Variants in SLC45A4 observed in about 807,000 individuals in gnomAD.
SLC45A4 encodes the protein solute carrier family 45 member 4.
Under a neutral mutation model 63.7 loss-of-function variants are expected in SLC45A4, and 32 were observed. That is an observed-to-expected ratio of 0.50 (90% CI 0.38 to 0.67). SLC45A4 has a LOEUF of 0.67. Among genes scored for constraint, SLC45A4 ranks in the 30% least tolerant of loss-of-function variants. SLC45A4 has a pLI of 0.00. For missense variants in SLC45A4, 1,027 were observed against 1,157.7 expected, an observed-to-expected ratio of 0.89 and a Z score of 1.64; for synonymous variants, 535 against 510.0, an observed-to-expected ratio of 1.05 and a Z score of -0.66.
intron 2 of SLC45A4, among the ~76,000 whole-genome samples, chr8:141,238,728 C>T (rs2154614446): frequency 6.6e-6 from 1 of 152,300 alleles, no homozygotes; most frequent in East Asian, 1.9e-4. Flanking sequence ...TCTGAGGAGC[C>T]CTTGAGTATA....
At chr8:141,241,051 G>A (rs917795189) in intron 2 of SLC45A4, among the ~76,000 whole-genome samples, 9 of 152,236 alleles carry the variant, frequency 5.9e-5, no homozygotes, top group Admixed American at 1.3e-4. Flanking sequence ...TATGGGCACC[G>A]GTTTGTGGGT....
intron 1 of SLC45A4, among the ~76,000 whole-genome samples, chr8:141,288,999 C>T (rs1830254764): frequency 6.6e-6 from 1 of 152,106 alleles, no homozygotes. Flanking sequence ...AAAAGAGGTC[C>T]AGGAAAGGAA....
intron 2 of SLC45A4, among the ~76,000 whole-genome samples, chr8:141,223,333 G>A (rs1033348230): frequency 1.3e-5 from 2 of 152,316 alleles, no homozygotes; most frequent in Middle Eastern, 3.4e-3. Context: ...TTACACGGCA[G>A]ACCCGGGTTC....
intron 1 of SLC45A4, among the ~76,000 whole-genome samples, chr8:141,279,637 G>T (rs1403277457): frequency 6.6e-6 from 1 of 152,158 alleles, no homozygotes; most frequent in Non-Finnish European, 1.5e-5. Context: ...CACCTGACCT[G>T]GTGCATCGCG....
At chr8:141,272,020 TAC>T (rs1183877382) in intron 1 of SLC45A4, among the ~76,000 whole-genome samples, 1 of 150,854 alleles carries the variant, frequency 6.6e-6, no homozygotes, top group Non-Finnish European at 1.5e-5. Context: ...CACACCTGCG[TAC>T]ACACATGCAT....
chr8:141,250,177 G>A (rs1037215623), intron 2 of SLC45A4, among the ~76,000 whole-genome samples: 1 of 152,140 alleles, frequency 6.6e-6, no homozygotes, highest in African/African-American at 2.4e-5. Flanking sequence ...AAGTACATAC[G>A]CAGACAGGTC....
At chr8:141,290,769 A>G (rs4961263) in intron 1 of SLC45A4, among the ~76,000 whole-genome samples, 145,696 of 152,356 alleles carry the variant, frequency 0.96, 70,030 homozygotes, top group Middle Eastern at 1. Flanking sequence ...GTCTTACCCT[A>G]CGGTCCAGAG....
chr8:141,290,796 G>A (rs9324544), intron 1 of SLC45A4, among the ~76,000 whole-genome samples: 32,295 of 152,156 alleles, frequency 0.21, 3,825 homozygotes, highest in East Asian at 0.35. Context: ...GGGATGTGGC[G>A]GGGGGGCCTG....
Position 141,211,173 on chromosome 8 carries a change from GCT to G in SLC45A4, c.*397_*398del, listed in dbSNP as rs1489393371. The stretch of plus-strand genomic sequence containing the variant: ...ACTTGGGAGGCAGGGCCCGCTGGGA[GCT>G]CTGCTCTCAGGAATCCCCAGCAAAT... On this transcript the variant is annotated 3_prime_UTR_variant, in exon 9 of 9. Transcript: ENST00000517878. 5.6e-6 allele frequency: 2 copies of G among 357,022 alleles called. No homozygotes were observed. Among genetic ancestry groups the G allele is most frequent in the Non-Finnish European group, 1.0e-5 (2 of 198,648 alleles). 22.1% of individuals were successfully genotyped at this position (357,022 alleles called of 1,614,324 possible).
At chr8:141,269,532 G>A (rs1356652217) in intron 1 of SLC45A4, among the ~76,000 whole-genome samples, 1 of 151,540 alleles carries the variant, frequency 6.6e-6, no homozygotes, top group Admixed American at 6.6e-5. Flanking sequence ...GTCTGCCTAT[G>A]TGGGTGTGTG....
chr8:141,217,092 G>C lies in SLC45A4; in HGVS notation c.1727C>G (p.Ser576Ter). ...VIYAATGAIC[S>*]ALLQKYLDNY... The stretch of plus-strand genomic sequence containing the variant: ...GACCTGACTTGGGGAGCTCTTACCT[G>C]AACAAATAGCACCAGTGGCGGCATA... Residue 576 changes from serine to a stop codon, truncating the protein, a stop_gained and splice_region_variant, in exon 6 of 9, where the codon TCA becomes TGA. Coordinates refer to ENST00000517878, the MANE Select transcript of SLC45A4 (RefSeq NM_001286646.2). LOFTEE classifies it high-confidence loss of function. 1 of 1,613,852 alleles carries C rather than the reference G, an allele frequency of 6.2e-7. No individual in the cohort carries two copies.
intron 2 of SLC45A4, among the ~76,000 whole-genome samples, chr8:141,230,905 C>A (rs556533276): frequency 6.6e-6 from 1 of 152,198 alleles, no homozygotes; most frequent in African/African-American, 2.4e-5. Context: ...CTGCCCCACC[C>A]GGGGATCCAG....
intron 1 of SLC45A4, among the ~76,000 whole-genome samples, chr8:141,304,330 A>G (rs553899377): frequency 6.6e-6 from 1 of 152,120 alleles, no homozygotes; most frequent in Non-Finnish European, 1.5e-5. Flanking sequence ...AGGCCCAGGC[A>G]GGCAGATCAC....
intron 8 of SLC45A4, 175 bp downstream of exon 8, chr8:141,212,022 C>G (rs963459549): frequency 1.5e-6 from 2 of 1,330,682 alleles, no homozygotes; most frequent in South Asian, 4.6e-5. Context: ...ACCTACCCTA[C>G]GACTACTGAA....
intron 1 of SLC45A4, among the ~76,000 whole-genome samples, chr8:141,288,327 A>G (rs1830225849): frequency 6.6e-6 from 1 of 152,230 alleles, no homozygotes; most frequent in Non-Finnish European, 1.5e-5. Context: ...GTTCACAGAA[A>G]AGGAGATGCA....
chr8:141,275,880 A>G (rs1466257602), intron 1 of SLC45A4, among the ~76,000 whole-genome samples: 1 of 152,012 alleles, frequency 6.6e-6, no homozygotes, highest in Non-Finnish European at 1.5e-5. Flanking sequence ...CGCATGTTTC[A>G]TAGAGTCTTT....
At chr8:141,247,028 A>T (rs1430292102) in intron 2 of SLC45A4, among the ~76,000 whole-genome samples, 2 of 152,206 alleles carry the variant, frequency 1.3e-5, no homozygotes, top group Non-Finnish European at 2.9e-5. Context: ...TGAATATAAG[A>T]GCATAAATTA....
chr8:141,228,170 C>A (rs2154614236), intron 2 of SLC45A4: 3 of 1,613,948 alleles, frequency 1.9e-6, no homozygotes, highest in Non-Finnish European at 2.5e-6. Context: ...TGAAATTGAG[C>A]ATTCTAACCT....
chr8:141,218,175 C>T lies in SLC45A4; in HGVS notation c.1465G>A (p.Glu489Lys). Reference sequence around the variant, plus strand: ...AGCAGGCGCACCGTGGTCTCGCCCTCCCCCTCCTCACTCTCGGTGTCCCCG... The same window carrying T: ...AGCAGGCGCACCGTGGTCTCGCCCTTCCCCTCCTCACTCTCGGTGTCCCCG... ...SSGDTESEEG[E>K]GETTVRLLWL... Residue 489 changes from glutamate to lysine, a missense_variant, in exon 5 of 9, where the codon GAG becomes AAG. Physicochemically the swap from Glu to Lys is moderately conservative, Grantham distance 56. Transcript: ENST00000517878. The T allele has an allele frequency of 1.2e-6, 2 of 1,606,352 alleles. No homozygotes were observed. The highest frequency in any genetic ancestry group is 1.1e-5 in the South Asian group (1 of 91,066).
Sources: gnomAD v4.1 joint callset for allele counts (sites outside exome capture counted in the v4.1 genomes callset) on GRCh38, gnomAD v4.1.1 for gene constraint, MANE v1.5 for transcripts, NCBI Gene and HGNC (gene_info 2026-07-23, HGNC 2026-07-21) for gene names.